ABCB1: variants seen among roughly 807,000 people sequenced by gnomAD.
ABCB1 encodes ATP binding cassette subfamily B member 1.
In ABCB1, 69 loss-of-function variants were observed where a neutral mutation model predicts 142.0. That is an observed-to-expected ratio of 0.49 (90% CI 0.40 to 0.59). The LOEUF is 0.59. ABCB1 is among the 20% of genes least tolerant of loss of function. The pLI is 0.00. For synonymous variants in ABCB1, 532 were observed against 539.2 expected, an observed-to-expected ratio of 0.99 and a Z score of 0.18; for missense variants, 1,326 against 1,554.7, an observed-to-expected ratio of 0.85 and a Z score of 2.47.
At chr7:87,534,945 A>ATTT (rs77385476) in intron 20 of ABCB1, among the ~76,000 whole-genome samples, 2 of 137,012 alleles carry the variant, frequency 1.5e-5, no homozygotes, top group East Asian at 2.1e-4. Context: ...AAAAAACTCC[A>ATTT]TTTTTTTTTC....
At chr7:87,525,125 C>T (rs971765549) in intron 21 of ABCB1, among the ~76,000 whole-genome samples, 10 of 152,088 alleles carry the variant, frequency 6.6e-5, no homozygotes, top group East Asian at 1.9e-4. Context: ...ATTAGCACCC[C>T]GCATCCTCAC....
intron 8 of ABCB1, among the ~76,000 whole-genome samples, chr7:87,556,542 G>C (rs1241520434): frequency 6.6e-6 from 1 of 152,148 alleles, no homozygotes; most frequent in Non-Finnish European, 1.5e-5. Flanking sequence ...AACTGATTAT[G>C]TCTGGTCTAA....
At chr7:87,665,874 A>G (rs993400400) in intron 1 of ABCB1, among the ~76,000 whole-genome samples, 1 of 152,044 alleles carries the variant, frequency 6.6e-6, no homozygotes, top group Non-Finnish European at 1.5e-5. Context: ...AAATGATCTC[A>G]TTCTTTTTTA....
At chr7:87,520,301 C>A (rs1815441832) in intron 22 of ABCB1, among the ~76,000 whole-genome samples, 2 of 152,004 alleles carry the variant, frequency 1.3e-5, no homozygotes, top group South Asian at 4.1e-4. Flanking sequence ...AAAGGTTGGG[C>A]TTGCTTATGT....
At chr7:87,520,217 AT>A (rs28401777) in intron 22 of ABCB1, among the ~76,000 whole-genome samples, 3 of 151,942 alleles carry the variant, frequency 2.0e-5, no homozygotes, top group South Asian at 2.1e-4. Context: ...CTCTACCATC[AT>A]TTTTTTTAAA....
upstream of ABCB1, chr7:87,603,058 C>G (rs1417880388): frequency 6.6e-6 from 1 of 152,244 alleles, no homozygotes; most frequent in African/African-American, 2.4e-5. Flanking sequence ...GTCCTCCGCT[C>G]TCATGTAGCC....
intron 1 of ABCB1, among the ~76,000 whole-genome samples, chr7:87,655,995 G>A (rs140876508): frequency 1.1e-3 from 164 of 152,210 alleles, no homozygotes; most frequent in African/African-American, 3.9e-3. Context: ...CACCTTGGAA[G>A]CAGAGACAGG....
chr7:87,684,916 A>G (rs1337714594), intron 1 of ABCB1, among the ~76,000 whole-genome samples: 1 of 152,168 alleles, frequency 6.6e-6, no homozygotes, highest in Non-Finnish European at 1.5e-5. Flanking sequence ...TGTGCAAAAA[A>G]AAAGTGAACC....
chr7:87,531,726 T>C, intron 20 of ABCB1: 1 of 522,534 alleles, frequency 1.9e-6, no homozygotes, highest in South Asian at 2.2e-5. Context: ...TACATATTCC[T>C]ATCTCTTTGG....
At chr7:87,525,458 G>A (rs1034329728) in intron 21 of ABCB1, among the ~76,000 whole-genome samples, 3 of 151,980 alleles carry the variant, frequency 2.0e-5, no homozygotes, top group Non-Finnish European at 4.4e-5. Context: ...TGACTCCCCA[G>A]AAACTTAACT....
intron 1 of ABCB1, among the ~76,000 whole-genome samples, chr7:87,640,641 G>A (rs1430102541): frequency 6.6e-6 from 1 of 152,134 alleles, no homozygotes; most frequent in African/African-American, 2.4e-5. Flanking sequence ...CACCACGTGT[G>A]TCTCCATTAT....
chr7:87,698,383 C>T (rs6951343), intron 1 of ABCB1, among the ~76,000 whole-genome samples: 1,579 of 152,150 alleles, frequency 0.01, 31 homozygotes, highest in African/African-American at 0.036. Flanking sequence ...CGTGAGCCAC[C>T]GCACCGGCTG....
At chr7:87,680,940 GATGAT>G (rs1374118104) in intron 1 of ABCB1, among the ~76,000 whole-genome samples, 1 of 150,566 alleles carries the variant, frequency 6.6e-6, no homozygotes, top group Non-Finnish European at 1.5e-5. Flanking sequence ...GATATGAAAG[GATGAT>G]TGCTTGAAAT....
chr7:87,537,124 C>G (rs1046016529), intron 19 of ABCB1: 2 of 156,150 alleles, frequency 1.3e-5, no homozygotes, highest in South Asian at 3.9e-4. Flanking sequence ...AAAGCCACCC[C>G]CTTCCTCTGG....
At chr7:87,581,844 C>T (rs116982650) in intron 4 of ABCB1, among the ~76,000 whole-genome samples, 2,908 of 152,220 alleles carry the variant, frequency 0.019, 21 homozygotes, top group Middle Eastern at 0.031. Flanking sequence ...GTATCTAGTC[C>T]ACCCCCATGG....
intron 1 of ABCB1, among the ~76,000 whole-genome samples, chr7:87,624,386 A>T (rs887030542): frequency 1.3e-5 from 2 of 152,186 alleles, no homozygotes; most frequent in Non-Finnish European, 2.9e-5. Flanking sequence ...TGGTTTGGTG[A>T]TCTCTCTGGT....
In ABCB1 at chr7:87,503,839, G is replaced by A; in HGVS notation, c.*404C>T. The A allele has an allele frequency of 4.1e-6, 1 of 242,402 alleles. No individual in the cohort carries two copies. Among genetic ancestry groups the A allele is most frequent in the Non-Finnish European group, 8.1e-6 (1 of 122,772 alleles). 15.0% of individuals were successfully genotyped at this position (242,402 alleles called of 1,614,324 possible). ...CAATTGAGAGAAGATATATTCACAG[G>A]CAGTTTGGACAAGATGACTCCAGTC... On this transcript the variant is annotated 3_prime_UTR_variant, in exon 28 of 28. Coordinates refer to ENST00000622132, the MANE Select transcript of ABCB1 (RefSeq NM_001348946.2).
intron 1 of ABCB1, among the ~76,000 whole-genome samples, chr7:87,626,091 T>TATATATATTGTCATATATATGTGTC (rs1554444007): frequency 2.2e-4 from 21 of 95,764 alleles, no homozygotes; most frequent in African/African-American, 4.5e-4. Context: ...TATATATATA[T>TATATATATTGTCATATATATGTGTC]ATATATATTG....
upstream of ABCB1, among the ~76,000 whole-genome samples, chr7:87,605,115 G>A (rs1182802923): frequency 2.0e-5 from 3 of 152,138 alleles, no homozygotes. Context: ...AAGATCCGTT[G>A]CCATGAACTA....
Sources: gnomAD v4.1 joint callset for allele counts (sites outside exome capture counted in the v4.1 genomes callset) on GRCh38, gnomAD v4.1.1 for gene constraint, MANE v1.5 for transcripts, NCBI Gene and HGNC (gene_info 2026-07-23, HGNC 2026-07-21) for gene names.